Variants in SEMA6D observed in about 807,000 individuals in gnomAD.
SEMA6D encodes the protein semaphorin-6D.
A neutral mutation model predicts 106.6 loss-of-function variants in SEMA6D; 35 were observed. The observed-to-expected ratio is 0.33, with a 90% CI of 0.25 to 0.44. SEMA6D has a LOEUF of 0.44. Among genes scored for constraint, SEMA6D ranks in the 20% least tolerant of loss-of-function variants. The pLI, the probability that SEMA6D is intolerant of heterozygous loss-of-function variation, is 1.00. For missense variants in SEMA6D, 1,185 were observed against 1,345.9 expected (o/e 0.88, Z 1.87); for synonymous variants, 499 against 487.7 (o/e 1.02, Z -0.31).
intron 3 of SEMA6D, among the ~76,000 whole-genome samples, chr15:47,530,378 A>G (rs1414317125): frequency 6.6e-6 from 1 of 152,216 alleles, no homozygotes; most frequent in African/African-American, 2.4e-5. Context: ...TCTGAATACC[A>G]CATACTGGAA....
At chr15:47,708,508 C>G (rs2078956379) in intron 4 of SEMA6D, among the ~76,000 whole-genome samples, 1 of 152,224 alleles carries the variant, frequency 6.6e-6, no homozygotes, top group African/African-American at 2.4e-5. Flanking sequence ...AGTACATTTT[C>G]TCTACCTCTG....
At position 47,556,214 on chromosome 15, in the gene SEMA6D, A is replaced by C. The variant is rs16959684; in HGVS notation, c.-86-44651A>C. The stretch of plus-strand genomic sequence containing the variant: ...ACCATAATAGCTTTAACAGGAATCA[A>C]AATGGAAGAAGAAAATTATCCCGCA... On this transcript the variant is annotated intron_variant, in intron 3 of 19. Transcript: ENST00000558014. Among the ~76,000 whole-genome samples, 318 of 152,304 alleles carry C rather than the reference A, an allele frequency of 2.1e-3. 1 individual carries two copies. The highest frequency in any genetic ancestry group is 7.3e-3 in the African/African-American group (302 of 41,572).
At chr15:47,252,788 A>T (rs892583918) in intron 1 of SEMA6D, among the ~76,000 whole-genome samples, 1 of 152,086 alleles carries the variant, frequency 6.6e-6, no homozygotes, top group Admixed American at 6.5e-5. Context: ...TTCTTTATCC[A>T]TTCATTCATT....
At chr15:47,704,178 G>T (rs1244404376) in intron 4 of SEMA6D, among the ~76,000 whole-genome samples, 1 of 151,956 alleles carries the variant, frequency 6.6e-6, no homozygotes, top group African/African-American at 2.4e-5. Flanking sequence ...TAGAGATAAG[G>T]TCTTAGTAAG....
chr15:47,363,624 G>A (rs1200539116), intron 1 of SEMA6D, among the ~76,000 whole-genome samples: 1 of 152,148 alleles, frequency 6.6e-6, no homozygotes, highest in Non-Finnish European at 1.5e-5. Flanking sequence ...GTGCTGACCA[G>A]GGGGCGATTT....
At chr15:47,739,282 A>G (rs887059295) in intron 1 of SEMA6D, among the ~76,000 whole-genome samples, 3 of 152,190 alleles carry the variant, frequency 2.0e-5, no homozygotes, top group South Asian at 4.1e-4. Context: ...ACAGTGGACT[A>G]GTAGATATTA....
At chr15:47,607,560 GT>G (rs1411704710) in intron 4 of SEMA6D, among the ~76,000 whole-genome samples, 3 of 152,184 alleles carry the variant, frequency 2.0e-5, no homozygotes, top group Admixed American at 6.5e-5. Context: ...CAAGCAGACA[GT>G]TTGAGAAGGA....
intron 1 of SEMA6D, among the ~76,000 whole-genome samples, chr15:47,737,839 C>T (rs1323439706): frequency 6.6e-6 from 1 of 152,034 alleles, no homozygotes; most frequent in Non-Finnish European, 1.5e-5. Flanking sequence ...TATGTAGGAG[C>T]ATGTGTGTTA....
intron 1 of SEMA6D, among the ~76,000 whole-genome samples, chr15:47,364,184 C>T (rs2038921315): frequency 6.6e-6 from 1 of 152,174 alleles, no homozygotes; most frequent in Non-Finnish European, 1.5e-5. Context: ...TCGTATTAAT[C>T]CTAGCATCAC....
chr15:47,518,150 G>A (rs909559723), intron 3 of SEMA6D, among the ~76,000 whole-genome samples: 2 of 152,196 alleles, frequency 1.3e-5, no homozygotes, highest in Admixed American at 6.5e-5. Context: ...GGAATTACAT[G>A]TGCATTTGTG....
intron 1 of SEMA6D, among the ~76,000 whole-genome samples, chr15:47,384,727 G>A (rs2039756303): frequency 6.7e-6 from 1 of 149,976 alleles, no homozygotes; most frequent in South Asian, 2.1e-4. Flanking sequence ...CTAGCCCGGA[G>A]TAAGGCTCAC....
At chr15:47,277,977 G>A (rs973161936) in intron 1 of SEMA6D, among the ~76,000 whole-genome samples, 5 of 152,070 alleles carry the variant, frequency 3.3e-5, no homozygotes, top group Non-Finnish European at 7.4e-5. Flanking sequence ...ATTCCATGGT[G>A]TATATGTACC....
In SEMA6D at chr15:47,275,182, A is replaced by C. The variant is rs530525335; in HGVS notation, c.-239+90764A>C. Reference sequence around the variant, plus strand: ...GAAATAGGGTGTCATATTTAGCTTCATGATTGCCTGCATTTTCTGTGAGCA... The same window carrying C: ...GAAATAGGGTGTCATATTTAGCTTCCTGATTGCCTGCATTTTCTGTGAGCA... On this transcript the variant is annotated intron_variant, in intron 1 of 19. Coordinates refer to the SEMA6D transcript ENST00000558014. 3.9e-5 allele frequency: 6 copies of C among 152,310 alleles called. No individual in the cohort carries two copies. In the East Asian group the frequency reaches 1.2e-3, roughly 29 times the overall value. 9.4% of individuals were successfully genotyped at this position (152,310 alleles called of 1,614,324 possible). A position where few individuals can be genotyped will look rare whatever the true frequency, so the allele number is the denominator to read the frequency against.
intron 4 of SEMA6D, among the ~76,000 whole-genome samples, chr15:47,607,239 C>T (rs183679475): frequency 6.6e-5 from 10 of 152,298 alleles, no homozygotes; most frequent in Admixed American, 6.5e-4. Context: ...ACCACATACT[C>T]TAATTGACCC....
chr15:47,484,425 A>G, intron 3 of SEMA6D, among the ~76,000 whole-genome samples: 1 of 145,174 alleles, frequency 6.9e-6, no homozygotes. Context: ...AGGCAAGGCT[A>G]TTTCTGTGGT....
At chr15:47,426,720 A>G (rs181251361) in intron 2 of SEMA6D, among the ~76,000 whole-genome samples, 131 of 152,266 alleles carry the variant, frequency 8.6e-4, no homozygotes, top group African/African-American at 3.0e-3. Context: ...ACACACATAC[A>G]TATATAATAC....
chr15:47,252,092 T>C (rs558971758), intron 1 of SEMA6D, among the ~76,000 whole-genome samples: 1 of 146,114 alleles, frequency 6.8e-6, no homozygotes, highest in South Asian at 2.1e-4. Flanking sequence ...ATTTTTTGTA[T>C]TTTTTTAGTA....
chr15:47,761,778 A>G (rs2147726769), intron 7 of SEMA6D, 27 bp downstream of exon 7: 19 of 1,540,380 alleles, frequency 1.2e-5, no homozygotes, highest in Non-Finnish European at 1.7e-5. Flanking sequence ...TAATGAATAT[A>G]AATGATTAAT....
At chr15:47,222,055 G>A (rs935878877) in intron 1 of SEMA6D, among the ~76,000 whole-genome samples, 7 of 151,876 alleles carry the variant, frequency 4.6e-5, no homozygotes, top group African/African-American at 1.2e-4. Flanking sequence ...TCACACACAC[G>A]CAAGTGTTTA....
Sources: allele counts gnomAD v4.1 joint callset (sites outside exome capture counted in the v4.1 genomes callset), GRCh38; gene constraint gnomAD v4.1.1; transcripts MANE v1.5; gene names NCBI Gene and HGNC (gene_info 2026-07-23, HGNC 2026-07-21).